The following JAKMIP1 variants were observed in gnomAD, a reference collection of about 807,000 sequenced individuals.
The protein encoded by JAKMIP1 is janus kinase and microtubule-interacting protein 1.
Under a neutral mutation model 113.0 loss-of-function variants are expected in JAKMIP1, and 33 were observed. That is an observed-to-expected ratio of 0.29 (90% confidence interval 0.22 to 0.39). The LOEUF (loss-of-function observed/expected upper bound fraction) is 0.39, where lower values mean the gene tolerates loss of function less well. Ranked by LOEUF, JAKMIP1 falls within the 10% of genes least tolerant of loss-of-function variation. The probability of loss-of-function intolerance (pLI) is 1.00; values close to 1 mark genes in which losing one functional copy is unlikely to be tolerated. For missense variants in JAKMIP1, 813 were observed against 1,080.5 expected, an observed-to-expected ratio of 0.75 and a Z score of 3.47; for synonymous variants, 480 against 459.9, an observed-to-expected ratio of 1.04 and a Z score of -0.56.
intron 3 of JAKMIP1, among the ~76,000 whole-genome samples, chr4:6,102,028 C>T (rs1713129835): frequency 6.6e-6 from 1 of 152,072 alleles, no homozygotes; most frequent in Admixed American, 6.5e-5. Flanking sequence ...ATATCCCTTT[C>T]CATTGATTTA....
rs1718164706 is a variant in JAKMIP1, at chr4:6,129,202, A to T, written c.-147-16205T>A. 6.6e-6 allele frequency among the ~76,000 whole-genome samples: 1 copy of T among 152,218 alleles called. No homozygotes were observed. On this transcript the variant is annotated intron_variant, in intron 1 of 20. Transcript: ENST00000409021. This position sits in a 1 kb window ranked among gnomAD's most constrained non-coding sequence, Gnocchi z 5.4. The stretch of plus-strand genomic sequence containing the variant: ...GAGGACACACGCCATCCAGCCATCA[A>T]GGGACACAGGTTTCCTGATTCCTTG...
intron 3 of JAKMIP1, among the ~76,000 whole-genome samples, chr4:6,087,400 G>A (rs531766633): frequency 1.6e-4 from 24 of 152,292 alleles, no homozygotes; most frequent in Admixed American, 1.3e-3. Context: ...GCAACCATGA[G>A]AAGAATTTGG....
chr4:6,091,496 A>T (rs930954743), intron 3 of JAKMIP1, among the ~76,000 whole-genome samples: 10 of 152,250 alleles, frequency 6.6e-5, no homozygotes, highest in African/African-American at 2.4e-4. Context: ...AACTCTCGGC[A>T]GATATGGGAA....
intron 16 of JAKMIP1, among the ~76,000 whole-genome samples, 195 bp downstream of exon 16, chr4:6,048,662 C>T (rs748610131): frequency 6.6e-6 from 1 of 152,230 alleles, no homozygotes; most frequent in Non-Finnish European, 1.5e-5. Flanking sequence ...TTTCCTCCTG[C>T]GTCTCTGGGT....
rs1366283860 is a variant in JAKMIP1, at chr4:6,157,244, A to AC, written c.-148+43008dup. Among the ~76,000 whole-genome samples the AC allele has an allele frequency of 6.6e-6, 1 of 152,054 alleles. No individual in the cohort carries two copies. Among genetic ancestry groups the AC allele is most frequent in the East Asian group, 1.9e-4 (1 of 5,178 alleles). ...AACGCATTTATTTTCTTTATAAACTACCCAGGTGGTGATATTGTGTTATAG... is the reference window on the plus strand; with the variant it reads ...AACGCATTTATTTTCTTTATAAACTACCCCAGGTGGTGATATTGTGTTATAG... On this transcript the variant is annotated intron_variant, in intron 1 of 20. Transcript: ENST00000409021. The surrounding 1 kb of genome is among the most constrained non-coding windows in gnomAD (Gnocchi z 4.7).
Position 6,097,934 on chromosome 4 carries a change from A to G in JAKMIP1, c.624+7539T>C, listed in dbSNP as rs1298158677. 6.6e-6 allele frequency among the ~76,000 whole-genome samples: 1 copy of G among 152,212 alleles called. No homozygotes were observed. The highest frequency in any genetic ancestry group is 1.5e-5 in the Non-Finnish European group (1 of 68,042). ...TCCGTGGAACCGGAAAGAATAATTA[A>G]AATGCAATGCCCTTTATGGCTCACT... On this transcript the variant is annotated intron_variant, in intron 3 of 20. Transcript: ENST00000409021. The surrounding 1 kb of genome is among the most constrained non-coding windows in gnomAD (Gnocchi z 4.3).
chr4:6,134,576 A>C (rs2108944430), intron 1 of JAKMIP1, among the ~76,000 whole-genome samples: 1 of 152,200 alleles, frequency 6.6e-6, no homozygotes, highest in Middle Eastern at 3.4e-3. Flanking sequence ...ATAGTTCCTC[A>C]AGCTTCCCTG....
At chr4:6,133,029 T>C (rs79257851) in intron 1 of JAKMIP1, among the ~76,000 whole-genome samples, 2,722 of 152,258 alleles carry the variant, frequency 0.018, 80 homozygotes, top group African/African-American at 0.056. Context: ...GCCTTATTTT[T>C]TTTAATTAAA....
rs1158484672 is a variant in JAKMIP1, at chr4:6,080,176, G to A, written c.1238C>T (p.Ser413Leu). Residue 413 changes from serine (S) to leucine (L), a missense_variant, in exon 7 of 21, where the codon TCA becomes TTA. Ser to Leu is a moderately radical substitution (Grantham distance 145). This residue lies in a region of JAKMIP1 where 540 missense variants were observed against 653.9 expected (regional missense o/e 0.83). Transcript: ENST00000409021. This position sits in a 1 kb window ranked among gnomAD's most constrained non-coding sequence, Gnocchi z 6.0. ...LEQQHVIDDL[S>L]LERERLLRSK... ...CGCCAGCTGTGCTAGATGTACCAGTGAGAGGTCGTCAATGACGTGCTGCTG... is the reference window on the plus strand; with the variant it reads ...CGCCAGCTGTGCTAGATGTACCAGTAAGAGGTCGTCAATGACGTGCTGCTG... The A allele has an allele frequency of 6.2e-7, 1 of 1,606,344 alleles. No individual in the cohort carries two copies. The highest frequency in any genetic ancestry group is 1.1e-5 in the South Asian group (1 of 89,772).
At chr4:6,030,211 C>A (rs1372735125) in intron 19 of JAKMIP1, among the ~76,000 whole-genome samples, 1 of 151,542 alleles carries the variant, frequency 6.6e-6, no homozygotes, top group Non-Finnish European at 1.5e-5. Context: ...ACGTACTTGT[C>A]TAAGATTTGT....
chr4:6,064,946 G>A lies in JAKMIP1; in HGVS notation c.1365C>T (p.Ser455=), dbSNP rs143380901. The A allele has an allele frequency of 7.4e-5, 119 of 1,613,892 alleles. No individual in the cohort carries two copies. The highest frequency in any genetic ancestry group is 8.7e-5 in the Non-Finnish European group (103 of 1,180,022). ...DEESVDSETL[S]ETSYNTDRTD... ...TCCTGTCTGTGTTGTAGGATGTTTCGGACAACGTTTCTGAGTCCACAGACT... is the reference window on the plus strand; with the variant it reads ...TCCTGTCTGTGTTGTAGGATGTTTCAGACAACGTTTCTGAGTCCACAGACT... Residue 455 remains serine (S), a synonymous_variant, in exon 9 of 21, where the codon TCC becomes TCT. Transcript: ENST00000409021. This position sits in a 1 kb window ranked among gnomAD's most constrained non-coding sequence, Gnocchi z 4.3.
chr4:6,040,746 C>T lies in JAKMIP1; in HGVS notation c.2098-30G>A, dbSNP rs572161066. 65 of 1,578,876 alleles carry T rather than the reference C, an allele frequency of 4.1e-5. No individual in the cohort carries two copies. In the East Asian group the frequency reaches 7.4e-4, roughly 18 times the overall value. ...GAAAGAGGGAGGCGCCATCAGGGAC[C>T]AGCGTCAGAACAGGAATCCATGACA... On this transcript the variant is annotated intron_variant, in intron 17 of 20. Transcript: ENST00000409021. The surrounding 1 kb of genome is among the most constrained non-coding windows in gnomAD (Gnocchi z 5.8).
At chr4:6,198,708 T>C (rs9991241) in intron 1 of JAKMIP1, among the ~76,000 whole-genome samples, 34,215 of 152,192 alleles carry the variant, frequency 0.22, 4,289 homozygotes, top group East Asian at 0.37. Context: ...TCTGCAGAGC[T>C]GCAGGTCTCC....
intron 1 of JAKMIP1, among the ~76,000 whole-genome samples, chr4:6,126,544 CACACAA>C: frequency 6.7e-6 from 1 of 149,882 alleles, no homozygotes; most frequent in Admixed American, 6.6e-5. Flanking sequence ...GAAACACACA[CACACAA>C]ACACACACCA....
rs77140027 is a variant in JAKMIP1 at position 6,156,801 on chromosome 4, T to C, written c.-148+43452A>G. ...CAGATGTCTGGTCTTGGGAATCTCA[T>C]GGCCACACCTGGCACATGGACATGG... On this transcript the variant is annotated intron_variant, in intron 1 of 20. Coordinates refer to ENST00000409021, the MANE Select transcript of JAKMIP1 (RefSeq NM_001099433.2). This position sits in a 1 kb window ranked among gnomAD's most constrained non-coding sequence, Gnocchi z 5.0. Among the ~76,000 whole-genome samples the C allele has an allele frequency of 0.02, 3,001 of 152,352 alleles. 53 individuals carry two copies. Among genetic ancestry groups the C allele is most frequent in the Admixed American group, 0.053 (818 of 15,306 alleles).
intron 19 of JAKMIP1, among the ~76,000 whole-genome samples, chr4:6,035,406 C>T (rs932678823): frequency 1.3e-5 from 2 of 152,140 alleles, no homozygotes; most frequent in African/African-American, 2.4e-5. Flanking sequence ...TTCCCTTCCT[C>T]GTCAATCAGG....
rs557629841 is a variant in JAKMIP1 at position 6,051,167 on chromosome 4, C to T, written c.1807-488G>A. 2.6e-5 allele frequency among the ~76,000 whole-genome samples: 4 copies of T among 151,928 alleles called. No individual in the cohort carries two copies. Among genetic ancestry groups the T allele is most frequent in the East Asian group, 3.9e-4 (2 of 5,168 alleles). On this transcript the variant is annotated intron_variant, in intron 13 of 20. Transcript: ENST00000409021. The surrounding 1 kb of genome is among the most constrained non-coding windows in gnomAD (Gnocchi z 5.0). ...CAGGGAGGCTGTGTCTGAGGTCCCACGCTAGCAAGCGGCAGGGCCAGGACC... is the reference window on the plus strand; with the variant it reads ...CAGGGAGGCTGTGTCTGAGGTCCCATGCTAGCAAGCGGCAGGGCCAGGACC...
rs567108877 is a variant in JAKMIP1 at position 6,125,053 on chromosome 4, G to T, written c.-147-12056C>A. ...AGAACCTGCCTCTTCCCCACCAGTG[G>T]TCAGCCAGGCTATGGTCAAAGGCCA... On this transcript the variant is annotated intron_variant, in intron 1 of 20. Transcript: ENST00000409021. 9.2e-5 allele frequency among the ~76,000 whole-genome samples: 14 copies of T among 152,274 alleles called. 2 individuals are homozygous for T. Among genetic ancestry groups the T allele is most frequent in the African/African-American group, 3.4e-4 (14 of 41,554 alleles).
At chr4:6,092,078 G>A (rs577048234) in intron 3 of JAKMIP1, among the ~76,000 whole-genome samples, 1 of 152,212 alleles carries the variant, frequency 6.6e-6, no homozygotes, top group African/African-American at 2.4e-5. Context: ...CAAATCATCA[G>A]GACTTTTTAA....
Sources: allele counts gnomAD v4.1 joint callset (sites outside exome capture counted in the v4.1 genomes callset), GRCh38; gene constraint gnomAD v4.1.1; regional missense constraint gnomAD v4.1.1; non-coding constraint Gnocchi (gnomAD v3.1); transcripts MANE v1.5; gene names NCBI Gene and HGNC (gene_info 2026-07-23, HGNC 2026-07-21).